The following COX7B2 variants were observed in gnomAD, a reference collection of about 807,000 sequenced individuals.
The protein encoded by COX7B2 is cytochrome c oxidase subunit 7B2, mitochondrial.
For missense variants in COX7B2, 109 were observed against 95.9 expected, an observed-to-expected ratio of 1.14 and a Z score of -0.57; for synonymous variants, 37 against 32.1, an observed-to-expected ratio of 1.15 and a Z score of -0.51.
intron 1 of COX7B2, among the ~76,000 whole-genome samples, chr4:46,881,124 A>T (rs1718710641): frequency 6.6e-6 from 1 of 152,038 alleles, no homozygotes; most frequent in Non-Finnish European, 1.5e-5. Context: ...ACAGGTCTCA[A>T]TTAATTTAGA....
At chr4:46,762,208 C>T (rs371121731) in intron 2 of COX7B2, among the ~76,000 whole-genome samples, 1 of 70,256 alleles carries the variant, frequency 1.4e-5, no homozygotes, top group Non-Finnish European at 3.0e-5. Flanking sequence ...TTATAATATA[C>T]ATTTAATATG....
At position 46,883,842 on chromosome 4, in the gene COX7B2, C is replaced by T. The variant is rs1175358066; in HGVS notation, c.-105+25318G>A. On this transcript the variant is annotated intron_variant, in intron 1 of 2. Transcript: ENST00000355591. Reference sequence around the variant, plus strand: ...AAGGTCTCAAAACTTAAATAACCTGCTTTCAGAATGAAGTTTCAAACATTA... The same window carrying T: ...AAGGTCTCAAAACTTAAATAACCTGTTTTCAGAATGAAGTTTCAAACATTA... Among the ~76,000 whole-genome samples, 3 of 151,754 alleles carry T rather than the reference C, an allele frequency of 2.0e-5. No individual in the cohort carries two copies. The East Asian group carries it at 5.8e-4, about 29-fold the overall frequency.
At chr4:46,757,343 A>G (rs933595509) in intron 2 of COX7B2, among the ~76,000 whole-genome samples, 5 of 152,042 alleles carry the variant, frequency 3.3e-5, no homozygotes, top group African/African-American at 1.2e-4. Flanking sequence ...ATGGCTGAAA[A>G]ACTACCTACT....
intron 2 of COX7B2, 115 bp from the exon 3 acceptor site, chr4:46,735,356 T>C (rs1410857858): frequency 4.2e-6 from 3 of 716,644 alleles, no homozygotes; most frequent in Admixed American, 3.4e-5. Context: ...AGTTTTGATA[T>C]AACAATATCT....
chr4:46,774,498 G>A lies in COX7B2; in HGVS notation c.-49-39257C>T, dbSNP rs549984601. Among the ~76,000 whole-genome samples the A allele has an allele frequency of 7.2e-5, 11 of 152,120 alleles. No homozygotes were observed. In the East Asian group the frequency reaches 1.4e-3, roughly 19 times the overall value. On this transcript the variant is annotated intron_variant, in intron 2 of 2. Coordinates refer to ENST00000355591, the MANE Select transcript of COX7B2 (RefSeq NM_130902.3). Reference sequence around the variant, plus strand: ...TTATATTGGCATCAATGTAGGGGACGTGACTTTAAAGGGAAAGTGATATCT... The same window carrying A: ...TTATATTGGCATCAATGTAGGGGACATGACTTTAAAGGGAAAGTGATATCT...
intron 2 of COX7B2, among the ~76,000 whole-genome samples, chr4:46,759,584 CAT>C (rs1421442156): frequency 6.6e-6 from 1 of 151,818 alleles, no homozygotes; most frequent in African/African-American, 2.4e-5. Context: ...GGCCAACAAA[CAT>C]ATGAAAAAAA....
intron 2 of COX7B2, among the ~76,000 whole-genome samples, chr4:46,804,308 A>T (rs948057561): frequency 6.6e-6 from 1 of 152,192 alleles, no homozygotes; most frequent in Admixed American, 6.5e-5. Flanking sequence ...CGGTACGGAA[A>T]GGGACCCTAC....
intron 2 of COX7B2, among the ~76,000 whole-genome samples, chr4:46,826,332 C>T (rs1270958846): frequency 1.3e-5 from 2 of 152,002 alleles, no homozygotes; most frequent in Non-Finnish European, 2.9e-5. Flanking sequence ...CCATCTTACA[C>T]CAGTTAAAGT....
intron 1 of COX7B2, among the ~76,000 whole-genome samples, chr4:46,853,527 A>G (rs910002921): frequency 6.6e-6 from 1 of 152,082 alleles, no homozygotes; most frequent in African/African-American, 2.4e-5. Context: ...TACAGCAGTT[A>G]TGTACATTTT....
rs960501190 is a variant in COX7B2 at position 46,878,188 on chromosome 4, TA to T, written c.-105+30971del. 1.3e-3 allele frequency among the ~76,000 whole-genome samples: 199 copies of T among 151,698 alleles called. 2 individuals are homozygous for T. Among genetic ancestry groups the T allele is most frequent in the African/African-American group, 3.9e-3 (163 of 41,368 alleles). ...TTTCACTTATATGCGGAAGTTTTTT[TA>T]AAAAAAAATTGATCAAAGTCATAGA... On this transcript the variant is annotated intron_variant, in intron 1 of 2. Coordinates refer to ENST00000355591, the MANE Select transcript of COX7B2 (RefSeq NM_130902.3).
intron 1 of COX7B2, among the ~76,000 whole-genome samples, chr4:46,904,803 G>GA (rs572515018): frequency 0.012 from 1,761 of 152,034 alleles, 30 homozygotes; most frequent in African/African-American, 0.04. Context: ...GCAGTTGACT[G>GA]AAAAAAAATG....
At chr4:46,875,439 ATCATAGC>A in intron 1 of COX7B2, among the ~76,000 whole-genome samples, 1 of 152,138 alleles carries the variant, frequency 6.6e-6, no homozygotes, top group East Asian at 1.9e-4. Context: ...AATCCTTAAC[ATCATAGC>A]TCAATTCTGA....
At chr4:46,806,085 T>C (rs1718980376) in intron 2 of COX7B2, among the ~76,000 whole-genome samples, 1 of 152,166 alleles carries the variant, frequency 6.6e-6, no homozygotes, top group African/African-American at 2.4e-5. Flanking sequence ...TAAAATTCAG[T>C]CTTTTGTTAT....
chr4:46,850,279 G>A (rs906329498), intron 1 of COX7B2, among the ~76,000 whole-genome samples: 1 of 151,620 alleles, frequency 6.6e-6, no homozygotes, highest in African/African-American at 2.4e-5. Context: ...TAAAAATAAT[G>A]ATTTAAAAAT....
chr4:46,780,277 G>A (rs1411822649), intron 2 of COX7B2, among the ~76,000 whole-genome samples: 1 of 152,122 alleles, frequency 6.6e-6, no homozygotes, highest in African/African-American at 2.4e-5. Flanking sequence ...CAGCACTTTG[G>A]GAGGCCGAAG....
chr4:46,898,254 T>C (rs1459495778), intron 1 of COX7B2, among the ~76,000 whole-genome samples: 2 of 152,228 alleles, frequency 1.3e-5, no homozygotes, highest in African/African-American at 4.8e-5. Context: ...CGGAATTAAT[T>C]CTTTTATTCC....
At chr4:46,798,904 G>A (rs1267018817) in intron 2 of COX7B2, among the ~76,000 whole-genome samples, 3 of 152,134 alleles carry the variant, frequency 2.0e-5, no homozygotes, top group Non-Finnish European at 2.9e-5. Context: ...CCTCATGACG[G>A]AGGAAATTAC....
chr4:46,760,497 A>C (rs1227999038), intron 2 of COX7B2, among the ~76,000 whole-genome samples: 1 of 152,090 alleles, frequency 6.6e-6, no homozygotes. Context: ...CATAAGTGGG[A>C]GTTGAACAAT....
At chr4:46,808,436 G>T (rs1255520850) in intron 2 of COX7B2, among the ~76,000 whole-genome samples, 7 of 151,546 alleles carry the variant, frequency 4.6e-5, no homozygotes, top group East Asian at 3.9e-4. Context: ...TGGAATTCTG[G>T]TTTTTTTACA....
Sources: allele counts gnomAD v4.1 joint callset (sites outside exome capture counted in the v4.1 genomes callset), GRCh38; gene constraint gnomAD v4.1.1; transcripts MANE v1.5; gene names NCBI Gene and HGNC (gene_info 2026-07-23, HGNC 2026-07-21).